The following RANBP2 variants were observed in gnomAD, a reference collection of about 807,000 sequenced individuals.
The protein encoded by RANBP2 is RAN binding protein 2.
In RANBP2, 57 loss-of-function variants were observed where a neutral mutation model predicts 303.6. The ratio of observed to expected loss-of-function variants is 0.19; its 90% CI spans 0.15 to 0.23. RANBP2 has a LOEUF of 0.23. RANBP2 is among the 10% of genes least tolerant of loss of function. The pLI is 1.00. For synonymous variants in RANBP2, 1,167 were observed against 1,301.5 expected, an observed-to-expected ratio of 0.90 and a Z score of 2.23; for missense variants, 3,138 against 3,780.8, an observed-to-expected ratio of 0.83 and a Z score of 4.46.
the RANBP2 span, among the ~76,000 whole-genome samples, chr2:108,920,550 C>T: frequency 1.3e-5 from 2 of 152,108 alleles, no homozygotes; most frequent in Non-Finnish European, 2.9e-5. Context: ...CTACAGGGCT[C>T]CACAGTATTG....
At chr2:109,317,747 G>T in the RANBP2 span, among the ~76,000 whole-genome samples, 1 of 152,208 alleles carries the variant, frequency 6.6e-6, no homozygotes, top group Non-Finnish European at 1.5e-5. Context: ...GCCTCCCTGT[G>T]AACAGGCTTC....
the RANBP2 span, among the ~76,000 whole-genome samples, chr2:109,643,486 G>A: frequency 2.0e-5 from 3 of 152,144 alleles, no homozygotes; most frequent in Admixed American, 6.5e-5. Context: ...AAGGCTGGGC[G>A]CAGCGGCTCA....
the RANBP2 span, among the ~76,000 whole-genome samples, chr2:109,286,002 C>A: frequency 3.3e-5 from 5 of 152,182 alleles, no homozygotes; most frequent in Non-Finnish European, 5.9e-5. Flanking sequence ...TAAGCCAGGA[C>A]ACATCAGAGG....
chr2:109,306,836 C>T, the RANBP2 span, among the ~76,000 whole-genome samples: 2 of 152,124 alleles, frequency 1.3e-5, no homozygotes, highest in Admixed American at 6.5e-5. Context: ...CTCTGGTCGA[C>T]GTGTATGTTG....
the RANBP2 span, among the ~76,000 whole-genome samples, chr2:109,367,637 G>A: frequency 0.033 from 4,977 of 152,150 alleles, 111 homozygotes; most frequent in Middle Eastern, 0.051. Context: ...TTTCTCTCCT[G>A]TATCATTTTT....
At chr2:108,907,550 A>C in the RANBP2 span, among the ~76,000 whole-genome samples, 1 of 151,980 alleles carries the variant, frequency 6.6e-6, no homozygotes, top group Non-Finnish European at 1.5e-5. Flanking sequence ...TGGGAGGCTG[A>C]GACAGGAGAA....
At chr2:109,234,890 G>T in the RANBP2 span, among the ~76,000 whole-genome samples, 1 of 152,224 alleles carries the variant, frequency 6.6e-6, no homozygotes, top group South Asian at 2.1e-4. Flanking sequence ...AGGATTCAGG[G>T]CAAACTAGTT....
chr2:109,724,209 C>T, the RANBP2 span, among the ~76,000 whole-genome samples: 1 of 152,158 alleles, frequency 6.6e-6, no homozygotes, highest in Non-Finnish European at 1.5e-5. Context: ...CATGATGCCT[C>T]CAGCTTTGTT....
the RANBP2 span, among the ~76,000 whole-genome samples, chr2:109,182,106 A>G: frequency 6.6e-6 from 1 of 152,234 alleles, no homozygotes; most frequent in Admixed American, 6.5e-5. Context: ...CTGTTGAAGC[A>G]TGAAGAGGTT....
At chr2:108,795,150 A>ATTTTTTTTTTTTTT in the RANBP2 span, among the ~76,000 whole-genome samples, 1 of 85,012 alleles carries the variant, frequency 1.2e-5, no homozygotes, top group Non-Finnish European at 2.1e-5. Context: ...TCTAAAGTGT[A>ATTTTTTTTTTTTTT]TTTTTTTTTT....
chr2:109,168,005 A>C, the RANBP2 span, among the ~76,000 whole-genome samples: 1 of 152,166 alleles, frequency 6.6e-6, no homozygotes, highest in African/African-American at 2.4e-5. Context: ...TGATCTCTCT[A>C]AATGTGGCAT....
At chr2:108,873,338 T>A in the RANBP2 span, 1,971 of 1,012,826 alleles carry the variant, frequency 1.9e-3, 20 homozygotes, top group South Asian at 0.029. Context: ...ATGAAAAGAA[T>A]GAAAATCTAA....
At chr2:109,483,850 C>T in the RANBP2 span, among the ~76,000 whole-genome samples, 1 of 152,164 alleles carries the variant, frequency 6.6e-6, no homozygotes, top group Admixed American at 6.5e-5. Context: ...TCAGCAGCCC[C>T]ACCATCCCCT....
the RANBP2 span, among the ~76,000 whole-genome samples, chr2:108,869,766 C>T: frequency 3.2e-4 from 48 of 152,146 alleles, no homozygotes; most frequent in Non-Finnish European, 5.6e-4. Flanking sequence ...CTTAAGCACA[C>T]TCCCTACACC....
chr2:109,493,300 A>G, the RANBP2 span, among the ~76,000 whole-genome samples: 6 of 148,092 alleles, frequency 4.1e-5, no homozygotes, highest in African/African-American at 1.2e-4. Context: ...CACACCATGC[A>G]CACCATGCAA....
At chr2:109,227,281 A>G in the RANBP2 span, among the ~76,000 whole-genome samples, 1 of 152,104 alleles carries the variant, frequency 6.6e-6, no homozygotes, top group South Asian at 2.1e-4. Context: ...TAGCTAGAAG[A>G]AGCTCTGTGA....
chr2:108,969,034 A>C, the RANBP2 span, among the ~76,000 whole-genome samples: 1 of 152,166 alleles, frequency 6.6e-6, no homozygotes, highest in East Asian at 1.9e-4. Flanking sequence ...GGCCACCTCA[A>C]GGGATCCCTC....
the RANBP2 span, among the ~76,000 whole-genome samples, chr2:108,983,217 T>G: frequency 3.3e-5 from 5 of 152,224 alleles, no homozygotes; most frequent in Non-Finnish European, 5.9e-5. Context: ...CTGATTTATC[T>G]TCTTCATTAT....
At chr2:108,732,076 A>G (rs571092207) in intron 4 of RANBP2, among the ~76,000 whole-genome samples, 8 of 152,198 alleles carry the variant, frequency 5.3e-5, no homozygotes, top group Non-Finnish European at 7.3e-5. Flanking sequence ...TTTAAAATGT[A>G]TATTGTAATG....
Sources: allele counts gnomAD v4.1 joint callset (sites outside exome capture counted in the v4.1 genomes callset), GRCh38; gene constraint gnomAD v4.1.1; transcripts MANE v1.5; gene names NCBI Gene and HGNC (gene_info 2026-07-23, HGNC 2026-07-21).